THRB: variants seen among roughly 807,000 people sequenced by gnomAD.
THRB encodes thyroid hormone receptor beta, also known as nuclear receptor subfamily 1 group A member 2.
Under a neutral mutation model 47.8 loss-of-function variants are expected in THRB, and 12 were observed. The observed-to-expected ratio is 0.25, with a 90% CI of 0.16 to 0.41. The LOEUF (loss-of-function observed/expected upper bound fraction) is 0.41, where lower values mean the gene tolerates loss of function less well. Ranked by LOEUF, THRB falls within the 10% of genes least tolerant of loss-of-function variation. The pLI is 1.00. For missense variants in THRB, 348 were observed against 589.2 expected (o/e 0.59, Z 4.24); for synonymous variants, 218 against 212.2 (o/e 1.03, Z -0.24).
rs572113764 is a variant in THRB at position 24,206,842 on chromosome 3, A to C, written c.23-16508T>G. On this transcript the variant is annotated intron_variant, in intron 4 of 10. Coordinates refer to ENST00000646209, the MANE Select transcript of THRB (RefSeq NM_001354712.2). ...TCACCACCCATCCCACAGAAATACA[A>C]ACTACCATCAGAGAATACTATAAAA... is the stretch of plus-strand genomic sequence containing the variant. Among the ~76,000 whole-genome samples, 13 of 152,328 alleles carry C rather than the reference A, an allele frequency of 8.5e-5. No individual in the cohort carries two copies. In the South Asian group the frequency reaches 1.7e-3, roughly 19 times the overall value.
In THRB at chr3:24,277,050, G is replaced by A. The variant is rs370612091; in HGVS notation, c.-43+20176C>T. Among the ~76,000 whole-genome samples the A allele has an allele frequency of 1.2e-4, 18 of 152,306 alleles. No homozygotes were observed. The South Asian group carries it at 2.9e-3, about 25-fold the overall frequency. ...ATTCCATGGCTTTCAAAGGCAGAAG[G>A]GAAAGCAAATATCTTACACTGGTAA... On this transcript the variant is annotated intron_variant, in intron 3 of 10. Coordinates refer to ENST00000646209, the MANE Select transcript of THRB (RefSeq NM_001354712.2).
chr3:24,170,272 C>A (rs1283543706), intron 5 of THRB, among the ~76,000 whole-genome samples: 1 of 152,164 alleles, frequency 6.6e-6, no homozygotes, highest in African/African-American at 2.4e-5. Flanking sequence ...ATTGGTTCTT[C>A]CTCCAAAATA....
chr3:24,272,038 G>C (rs997560700), intron 3 of THRB, among the ~76,000 whole-genome samples: 1 of 152,184 alleles, frequency 6.6e-6, no homozygotes, highest in East Asian at 1.9e-4. Context: ...ATAGGATTGC[G>C]GACAATTTAA....
At chr3:24,481,846 A>G (rs1017706631) in intron 1 of THRB, among the ~76,000 whole-genome samples, 10 of 152,186 alleles carry the variant, frequency 6.6e-5, no homozygotes, top group African/African-American at 2.4e-4. Flanking sequence ...ATAAAAAAAA[A>G]AAAAAAAAAT....
chr3:24,361,470 A>T (rs927645177), intron 1 of THRB, among the ~76,000 whole-genome samples: 2 of 152,116 alleles, frequency 1.3e-5, no homozygotes, highest in African/African-American at 4.8e-5. Flanking sequence ...GAACAAGAGG[A>T]TGTGTCCCAA....
intron 1 of THRB, among the ~76,000 whole-genome samples, chr3:24,440,330 T>C (rs1560191781): frequency 6.6e-6 from 1 of 152,244 alleles, no homozygotes; most frequent in East Asian, 1.9e-4. Context: ...ATCAAAATCA[T>C]TGATAGAAAA....
intron 1 of THRB, among the ~76,000 whole-genome samples, chr3:24,339,382 C>A (rs1446970219): frequency 6.6e-6 from 1 of 152,008 alleles, no homozygotes; most frequent in Non-Finnish European, 1.5e-5. Context: ...TTATAAATGA[C>A]CCCGTTTTCC....
intron 10 of THRB, among the ~76,000 whole-genome samples, chr3:24,124,028 A>C (rs1052571862): frequency 3.9e-5 from 6 of 152,230 alleles, no homozygotes; most frequent in Admixed American, 2.0e-4. Context: ...TGAATTCCTC[A>C]AATAGCTCCA....
chr3:24,336,747 A>T (rs910123434), intron 2 of THRB, among the ~76,000 whole-genome samples: 2 of 130,182 alleles, frequency 1.5e-5, no homozygotes, highest in African/African-American at 3.1e-5. Context: ...TTTGAGATGG[A>T]GTCTCACTCT....
At chr3:24,488,443 G>A (rs565580058) in intron 1 of THRB, among the ~76,000 whole-genome samples, 76 of 152,210 alleles carry the variant, frequency 5.0e-4, no homozygotes, top group African/African-American at 1.7e-3. Flanking sequence ...GTTAAAATAG[G>A]ATTAGGAAAA....
chr3:24,267,096 A>AG (rs1255223062), intron 3 of THRB, among the ~76,000 whole-genome samples: 1 of 152,142 alleles, frequency 6.6e-6, no homozygotes, highest in East Asian at 1.9e-4. Context: ...AGGGATGAAA[A>AG]GGGGGGACAG....
intron 3 of THRB, among the ~76,000 whole-genome samples, chr3:24,279,340 C>T (rs6807847): frequency 0.053 from 8,089 of 152,146 alleles, 693 homozygotes; most frequent in African/African-American, 0.18. Flanking sequence ...GCTATGGTTT[C>T]TGCAGTCATT....
chr3:24,363,335 A>G (rs2064208377), intron 1 of THRB, among the ~76,000 whole-genome samples: 1 of 152,136 alleles, frequency 6.6e-6, no homozygotes, highest in African/African-American at 2.4e-5. Context: ...AAGCTCATTA[A>G]CTCTGTTTTT....
In THRB at chr3:24,204,693, T is replaced by A. The variant is rs181360199; in HGVS notation, c.23-14359A>T. Among the ~76,000 whole-genome samples the A allele has an allele frequency of 5.1e-4, 77 of 152,114 alleles. No homozygotes were observed. In the East Asian group the frequency reaches 0.013, roughly 26 times the overall value. On this transcript the variant is annotated intron_variant, in intron 4 of 10. Transcript: ENST00000646209. The stretch of plus-strand genomic sequence containing the variant: ...GTTGAGAGAAGAAGGCTTCAGACAA[T>A]CAAACTTCTCTGAGCTAAAGGAGGA...
At chr3:24,227,586 G>A (rs906390816) in intron 4 of THRB, among the ~76,000 whole-genome samples, 2 of 152,194 alleles carry the variant, frequency 1.3e-5, no homozygotes, top group Non-Finnish European at 2.9e-5. Context: ...GCTCCAGTAC[G>A]GGTGGGTAGA....
intron 1 of THRB, among the ~76,000 whole-genome samples, chr3:24,374,490 C>T (rs976184258): frequency 1.1e-4 from 16 of 151,918 alleles, no homozygotes; most frequent in African/African-American, 3.6e-4. Flanking sequence ...GTTTTAAAGA[C>T]GACTAAAATG....
intron 3 of THRB, among the ~76,000 whole-genome samples, chr3:24,247,271 T>C (rs1014324710): frequency 1.2e-4 from 18 of 152,200 alleles, no homozygotes; most frequent in Non-Finnish European, 2.2e-4. Context: ...AGAATAGTAA[T>C]GATGATAACA....
At chr3:24,150,689 C>T (rs1437557233) in intron 6 of THRB, among the ~76,000 whole-genome samples, 1 of 152,148 alleles carries the variant, frequency 6.6e-6, no homozygotes, top group African/African-American at 2.4e-5. Flanking sequence ...CTCTGTAAGG[C>T]ACATTCACTC....
chr3:24,339,681 T>A (rs898338519), intron 1 of THRB, among the ~76,000 whole-genome samples: 1 of 151,930 alleles, frequency 6.6e-6, no homozygotes, highest in Non-Finnish European at 1.5e-5. Context: ...AAATTGAAAG[T>A]GATTTCCCAG....
Sources: gnomAD v4.1 joint callset for allele counts (sites outside exome capture counted in the v4.1 genomes callset) on GRCh38, gnomAD v4.1.1 for gene constraint, MANE v1.5 for transcripts, NCBI Gene and HGNC (gene_info 2026-07-23, HGNC 2026-07-21) for gene names.